Variants in PEPD observed in about 807,000 individuals in gnomAD.
The protein encoded by PEPD is peptidase D.
In PEPD, 53 loss-of-function variants were observed where a neutral mutation model predicts 60.7. That is an observed-to-expected ratio of 0.87 (90% CI 0.70 to 1.10). The LOEUF is 1.10. PEPD is among the 50% of genes least tolerant of loss of function. PEPD has a pLI of 0.00. For synonymous variants in PEPD, 267 were observed against 284.1 expected (o/e 0.94, Z 0.60); for missense variants, 711 against 711.9 (o/e 1.00, Z 0.01).
intron 9 of PEPD, among the ~76,000 whole-genome samples, chr19:33,453,448 T>C (rs1415034550): frequency 6.6e-5 from 10 of 152,266 alleles, no homozygotes; most frequent in Admixed American, 2.6e-4. Flanking sequence ...TTTCTTTTTT[T>C]AGAAATTGAA....
chr19:33,494,658 G>T (rs1039901704), intron 4 of PEPD, among the ~76,000 whole-genome samples: 4 of 152,344 alleles, frequency 2.6e-5, no homozygotes, highest in Admixed American at 2.0e-4. Context: ...GTAGGTCGCT[G>T]AAGACGGCCT....
At chr19:33,387,869 A>ATGGG in intron 14 of PEPD, 21 bp downstream of exon 14, 1 of 1,545,520 alleles carries the variant, frequency 6.5e-7, no homozygotes, top group Non-Finnish European at 8.8e-7. Flanking sequence ...GGGAGCAAGA[A>ATGGG]TGGGGCCCGT....
In PEPD at chr19:33,520,382, T is replaced by A. The variant is rs1258458316; in HGVS notation, c.17+1362A>T. 1.3e-5 allele frequency among the ~76,000 whole-genome samples: 2 copies of A among 152,246 alleles called. 1 individual carries two copies. Among genetic ancestry groups the A allele is most frequent in the African/African-American group, 4.8e-5 (2 of 41,468 alleles). On this transcript the variant is annotated intron_variant, in intron 1 of 14. Transcript: ENST00000244137. ...GACTTTGTCTGCACTGTTCTCTACC[T>A]GAAGGGAGTCTCATTGCTGAAGGAC...
chr19:33,445,401 G>A (rs569155473), intron 9 of PEPD, among the ~76,000 whole-genome samples: 7 of 152,332 alleles, frequency 4.6e-5, no homozygotes, highest in African/African-American at 1.4e-4. Context: ...ATTTGGAGAC[G>A]GTGCTTTAAA....
chr19:33,468,083 T>G (rs1970053063), intron 7 of PEPD, among the ~76,000 whole-genome samples: 1 of 152,110 alleles, frequency 6.6e-6, no homozygotes, highest in African/African-American at 2.4e-5. Context: ...GCACGAGCCC[T>G]TTCGGTTTGG....
chr19:33,407,194 T>C (rs1198753940), intron 11 of PEPD, among the ~76,000 whole-genome samples: 1 of 151,874 alleles, frequency 6.6e-6, no homozygotes, highest in East Asian at 1.9e-4. Flanking sequence ...GCAGGAGGAG[T>C]GTCCCAGCTG....
chr19:33,476,579 C>T (rs1028924491), intron 7 of PEPD, among the ~76,000 whole-genome samples: 2 of 152,196 alleles, frequency 1.3e-5, no homozygotes, highest in Admixed American at 6.5e-5. Context: ...AGCTGGACCC[C>T]TGCAACAGCC....
At chr19:33,517,653 G>A (rs897359270) in intron 1 of PEPD, among the ~76,000 whole-genome samples, 1 of 151,748 alleles carries the variant, frequency 6.6e-6, no homozygotes, top group Admixed American at 6.6e-5. Context: ...CACAGACAAG[G>A]AAAGATCTCT....
rs549831186 is a variant in PEPD, at chr19:33,411,469, G to T, written c.818+203C>A. Among the ~76,000 whole-genome samples the T allele has an allele frequency of 7.2e-5, 11 of 152,294 alleles. No individual in the cohort carries two copies. The South Asian group carries it at 2.3e-3, about 32-fold the overall frequency. On this transcript the variant is annotated intron_variant, in intron 11 of 14. Coordinates refer to ENST00000244137, the MANE Select transcript of PEPD (RefSeq NM_000285.4). ...TGCACCCTCTCTCTCAGTGCTCCCT[G>T]GGGGGTGCAGGCTTTTGGCCCTGGA...
chr19:33,481,702 G>A lies in PEPD; in HGVS notation c.504-3612C>T, dbSNP rs1970316180. ...GAAATGAATAGAAATTCTATCAAAT[G>A]TTTAAAGAATTAACACCAATCTTCA... On this transcript the variant is annotated intron_variant, in intron 6 of 14. Coordinates refer to ENST00000244137, the MANE Select transcript of PEPD (RefSeq NM_000285.4). Among the ~76,000 whole-genome samples, 3 of 152,014 alleles carry A rather than the reference G, an allele frequency of 2.0e-5. No individual in the cohort carries two copies. The South Asian group carries it at 6.2e-4, about 31-fold the overall frequency.
At chr19:33,493,179 C>A (rs1434344021) in intron 5 of PEPD, 111 bp downstream of exon 5, 3 of 792,694 alleles carry the variant, frequency 3.8e-6, no homozygotes, top group Non-Finnish European at 6.6e-6. Context: ...CCCAACCCCT[C>A]TCCGTTTTTT....
chr19:33,506,910 C>G (rs1297469428), intron 3 of PEPD, among the ~76,000 whole-genome samples: 2 of 151,580 alleles, frequency 1.3e-5, no homozygotes, highest in African/African-American at 4.9e-5. Context: ...ACACCACAAA[C>G]ACAGCACATG....
chr19:33,468,767 G>A (rs1047342350), intron 7 of PEPD, among the ~76,000 whole-genome samples: 1 of 152,178 alleles, frequency 6.6e-6, no homozygotes, highest in Non-Finnish European at 1.5e-5. Context: ...ACAAGCCCAG[G>A]GAGACTTTCT....
At chr19:33,460,815 G>A (rs1190857727) in intron 9 of PEPD, among the ~76,000 whole-genome samples, 3 of 152,096 alleles carry the variant, frequency 2.0e-5, no homozygotes, top group Admixed American at 6.5e-5. Context: ...CTCTGGCTTC[G>A]AGCTCATCTC....
chr19:33,498,073 C>G (rs1039557640), intron 4 of PEPD, among the ~76,000 whole-genome samples: 2 of 151,882 alleles, frequency 1.3e-5, no homozygotes. Context: ...CCTCCCGCAG[C>G]GGGAGGGCCA....
At chr19:33,402,251 C>T (rs1020779352) in intron 11 of PEPD, among the ~76,000 whole-genome samples, 2 of 152,172 alleles carry the variant, frequency 1.3e-5, no homozygotes, top group Non-Finnish European at 1.5e-5. Context: ...CCCAGGACCC[C>T]GCCCGCTGCC....
intron 3 of PEPD, among the ~76,000 whole-genome samples, chr19:33,507,865 G>C (rs913150070): frequency 6.6e-6 from 1 of 152,278 alleles, no homozygotes; most frequent in South Asian, 2.1e-4. Flanking sequence ...GGTCACTCCA[G>C]GACAGTGGAA....
At chr19:33,392,069 G>T (rs540334550) in intron 12 of PEPD, among the ~76,000 whole-genome samples, 1 of 152,232 alleles carries the variant, frequency 6.6e-6, no homozygotes, top group Non-Finnish European at 1.5e-5. Context: ...CTGGGGAGAA[G>T]GTGCGGCTGG....
chr19:33,396,789 C>T (rs945458436), intron 12 of PEPD, among the ~76,000 whole-genome samples: 4 of 152,062 alleles, frequency 2.6e-5, no homozygotes, highest in African/African-American at 9.7e-5. Flanking sequence ...AGGCGGAGGG[C>T]ATGGGGCCCT....
Sources: allele counts gnomAD v4.1 joint callset (sites outside exome capture counted in the v4.1 genomes callset), GRCh38; gene constraint gnomAD v4.1.1; transcripts MANE v1.5; gene names NCBI Gene and HGNC (gene_info 2026-07-23, HGNC 2026-07-21).